Variants in RSRC2 observed in about 807,000 individuals in gnomAD.
The protein encoded by RSRC2 is arginine/serine-rich coiled-coil protein 2.
A neutral mutation model predicts 61.3 loss-of-function variants in RSRC2; 5 were observed. The ratio of observed to expected loss-of-function variants is 0.08; its 90% CI spans 0.04 to 0.17. RSRC2 has a LOEUF of 0.17. RSRC2 is among the 10% of genes least tolerant of loss of function. The pLI, the probability that RSRC2 is intolerant of heterozygous loss-of-function variation, is 1.00. For missense variants in RSRC2, 381 were observed against 518.8 expected, an observed-to-expected ratio of 0.73 and a Z score of 2.58; for synonymous variants, 202 against 166.5, an observed-to-expected ratio of 1.21 and a Z score of -1.64.
chr12:122,524,246 G>A (rs1959709576), intron 1 of RSRC2, among the ~76,000 whole-genome samples: 1 of 152,032 alleles, frequency 6.6e-6, no homozygotes, highest in African/African-American at 2.4e-5. Flanking sequence ...ATGAATTCTG[G>A]ACACTTTTTT....
At chr12:122,508,856 T>C (rs996160012) in intron 7 of RSRC2, among the ~76,000 whole-genome samples, 2 of 151,894 alleles carry the variant, frequency 1.3e-5, no homozygotes, top group Non-Finnish European at 1.5e-5. Context: ...CTCGGGAGGC[T>C]GACGCAGGAG....
intron 6 of RSRC2, chr12:122,513,821 C>T (rs1958707155): frequency 2.0e-6 from 2 of 985,236 alleles, no homozygotes; most frequent in African/African-American, 1.7e-5. Flanking sequence ...CAGGGAAGCA[C>T]ATCAGGTTAC....
chr12:122,507,992 C>G, intron 8 of RSRC2: 1 of 581,308 alleles, frequency 1.7e-6, no homozygotes, highest in Non-Finnish European at 3.1e-6. Flanking sequence ...TCAGTAGAGA[C>G]AGGGTTTTGC....
rs953670621 is a variant in RSRC2, at chr12:122,508,576, G to C, written c.806-129C>G. The C allele has an allele frequency of 2.2e-5, 15 of 689,396 alleles. No homozygotes were observed. The African/African-American group carries it at 2.7e-4, about 12-fold the overall frequency. The allele number at this position is 689,396 out of a possible 1,614,324, so 42.7% of individuals were successfully genotyped here. ...AGGCAGGATTTTCACCAAATCCAAG[G>C]AAATGACTGAGTATTAGCTCACAAG... On this transcript the variant is annotated intron_variant, in intron 7 of 9. Coordinates refer to ENST00000331738, the MANE Select transcript of RSRC2 (RefSeq NM_023012.6).
intron 6 of RSRC2, among the ~76,000 whole-genome samples, chr12:122,513,080 A>C (rs1958642977): frequency 6.6e-6 from 1 of 151,982 alleles, no homozygotes; most frequent in South Asian, 2.1e-4. Context: ...CAGTAATCCC[A>C]GCTTCTTGGG....
At chr12:122,521,119 T>TA (rs1395361998) in intron 3 of RSRC2, 10 of 367,630 alleles carry the variant, frequency 2.7e-5, no homozygotes, top group South Asian at 1.7e-4. Flanking sequence ...GTGACAGGCC[T>TA]AAAAAAACCA....
chr12:122,507,718 ATT>A (rs63636761), intron 8 of RSRC2, among the ~76,000 whole-genome samples: 2 of 143,312 alleles, frequency 1.4e-5, no homozygotes, highest in Non-Finnish European at 3.0e-5. Flanking sequence ...CAGTGGCGTG[ATT>A]TTTTTTTTTT....
In RSRC2 at chr12:122,503,580, C is replaced by G. The variant is rs1233518456; in HGVS notation, c.*1947G>C. ...CACACAGGAAGCTTTTGCGTCCACACTGCCTTAGAAGGTCATGAACATTTT... is the reference window on the plus strand; with the variant it reads ...CACACAGGAAGCTTTTGCGTCCACAGTGCCTTAGAAGGTCATGAACATTTT... On this transcript the variant is annotated 3_prime_UTR_variant, in exon 10 of 10. Transcript: ENST00000331738. The G allele has an allele frequency of 2.0e-5, 3 of 152,210 alleles. No individual in the cohort carries two copies. Among genetic ancestry groups the G allele is most frequent in the Non-Finnish European group, 2.9e-5 (2 of 68,040 alleles). 9.4% of individuals were successfully genotyped at this position (152,210 alleles called of 1,614,324 possible). A position where few individuals can be genotyped will look rare whatever the true frequency, so the allele number is the denominator to read the frequency against.
At position 122,505,644 on chromosome 12, in the gene RSRC2, C is replaced by T. The variant is rs1394205641; in HGVS notation, c.1188G>A (p.Gln396=). ...CATCTAAATTTCGAAATACTTCTTC[C>T]TGCTGCTTCAGAGTCTTGTAACTTT... ...DEESYKTLKQ[Q]EEVFRNLDAQ... The change falls in exon 10 of 10, where the codon CAG becomes CAA. Residue 396 remains glutamine, a synonymous_variant. Coordinates refer to ENST00000331738, the MANE Select transcript of RSRC2 (RefSeq NM_023012.6). 3 of 1,614,080 alleles carry T rather than the reference C, an allele frequency of 1.9e-6. No individual in the cohort carries two copies. In the South Asian group the frequency reaches 3.3e-5, roughly 18 times the overall value.
chr12:122,511,769 A>G (rs1958530272), intron 6 of RSRC2, among the ~76,000 whole-genome samples: 1 of 152,184 alleles, frequency 6.6e-6, no homozygotes, highest in Non-Finnish European at 1.5e-5. Context: ...TATCATTTAC[A>G]AAGGAACTAG....
At chr12:122,508,130 G>GA in intron 8 of RSRC2, 88 bp downstream of exon 8, 1 of 1,230,278 alleles carries the variant, frequency 8.1e-7, no homozygotes, top group African/African-American at 1.5e-5. Context: ...AAGTTAAGCC[G>GA]AAAGTAATAT....
chr12:122,515,257 T>G, intron 5 of RSRC2, 30 bp from the exon 6 acceptor site: 1 of 1,603,050 alleles, frequency 6.2e-7, no homozygotes, highest in Admixed American at 1.7e-5. Flanking sequence ...ATATGTCAAA[T>G]TATGGCCAAG....
chr12:122,517,449 A>G lies in RSRC2; in HGVS notation c.399-19T>C, dbSNP rs776758708. The G allele has an allele frequency of 1.7e-5, 28 of 1,613,546 alleles. No individual in the cohort carries two copies. Among genetic ancestry groups the G allele is most frequent in the East Asian group, 2.2e-5 (1 of 44,896 alleles). ...ATGGCGTCTGAAATTAAAGTGCACA[A>G]ATTTGTAATTACTTAAAAGTTGTGT... On this transcript the variant is annotated intron_variant, in intron 4 of 9. Coordinates refer to ENST00000331738, the MANE Select transcript of RSRC2 (RefSeq NM_023012.6).
intron 8 of RSRC2, among the ~76,000 whole-genome samples, chr12:122,507,557 C>T (rs539589033): frequency 2.0e-5 from 3 of 150,848 alleles, no homozygotes; most frequent in South Asian, 4.2e-4. Flanking sequence ...CAAGTAGCCT[C>T]TTTTCCTTAC....
chr12:122,505,718 A>T lies in RSRC2; in HGVS notation c.1126-12T>A. On this transcript the variant is annotated splice_polypyrimidine_tract_variant and intron_variant, in intron 9 of 9. Transcript: ENST00000331738. Reference sequence around the variant, plus strand: ...GCTTCATCTTCACTCTAAAAATCAGACATAAAACATTACAATGAATTCAGA... The same window carrying T: ...GCTTCATCTTCACTCTAAAAATCAGTCATAAAACATTACAATGAATTCAGA... The T allele has an allele frequency of 6.2e-7, 1 of 1,603,004 alleles. No individual in the cohort carries two copies. Among genetic ancestry groups the T allele is most frequent in the Non-Finnish European group, 8.5e-7 (1 of 1,171,576 alleles).
intron 1 of RSRC2, chr12:122,522,659 G>A (rs1366864881): frequency 1.2e-5 from 2 of 163,820 alleles, no homozygotes; most frequent in East Asian, 3.4e-4. Context: ...GCATTTAGCT[G>A]ACTTTACCAA....
chr12:122,521,740 TAGAG>T (rs1035693437), intron 2 of RSRC2, among the ~76,000 whole-genome samples: 1 of 152,340 alleles, frequency 6.6e-6, no homozygotes, highest in South Asian at 2.1e-4. Context: ...GGGGGTTTAA[TAGAG>T]AGAGGTAAGC....
At chr12:122,517,745 C>G (rs956811511) in intron 4 of RSRC2, among the ~76,000 whole-genome samples, 2 of 152,046 alleles carry the variant, frequency 1.3e-5, no homozygotes, top group Admixed American at 1.3e-4. Flanking sequence ...AGTTTATCTA[C>G]TAAAAATTTT....
chr12:122,517,441 A>T lies in RSRC2; in HGVS notation c.399-11T>A, dbSNP rs142946917. On this transcript the variant is annotated splice_polypyrimidine_tract_variant and intron_variant, in intron 4 of 9. Transcript: ENST00000331738. ...CTACTACGATGGCGTCTGAAATTAA[A>T]GTGCACAAATTTGTAATTACTTAAA... The T allele has an allele frequency of 6.2e-7, 1 of 1,613,998 alleles. No individual in the cohort carries two copies. The highest frequency in any genetic ancestry group is 8.5e-7 in the Non-Finnish European group (1 of 1,179,922).
Sources: gnomAD v4.1 joint callset for allele counts (sites outside exome capture counted in the v4.1 genomes callset) on GRCh38, gnomAD v4.1.1 for gene constraint, MANE v1.5 for transcripts, NCBI Gene and HGNC (gene_info 2026-07-23, HGNC 2026-07-21) for gene names.